NEBL: variants seen among roughly 807,000 people sequenced by gnomAD.
The protein encoded by NEBL is LIM and SH3 protein 2.
In NEBL, 122 loss-of-function variants were observed where a neutral mutation model predicts 140.2. The observed-to-expected ratio is 0.87, with a 90% CI of 0.75 to 1.01. The LOEUF is 1.01. Ranked by LOEUF, NEBL falls within the 50% of genes least tolerant of loss-of-function variation. The probability of loss-of-function intolerance (pLI) is 0.00; values close to 1 mark genes in which losing one functional copy is unlikely to be tolerated. For missense variants in NEBL, 1,365 were observed against 1,231.3 expected (o/e 1.11, Z -1.62); for synonymous variants, 436 against 398.9 (o/e 1.09, Z -1.11).
chr10:20,933,717 G>T (rs1187251010), intron 4 of NEBL, among the ~76,000 whole-genome samples: 1 of 152,226 alleles, frequency 6.6e-6, no homozygotes, highest in Non-Finnish European at 1.5e-5. Context: ...CAGATTGGGT[G>T]ACAGAGGGAG....
At chr10:21,093,340 A>C (rs1314740965) in intron 2 of NEBL, among the ~76,000 whole-genome samples, 2 of 151,960 alleles carry the variant, frequency 1.3e-5, no homozygotes, top group African/African-American at 2.4e-5. Context: ...AGTTGGACAA[A>C]ATTTTATAGG....
Position 21,214,177 on chromosome 10 carries a change from A to G in NEBL, n.348+33744T>C, listed in dbSNP as rs544007932. The stretch of plus-strand genomic sequence containing the variant: ...ATATATGTATAAGTATATGATATAG[A>G]TGTATATATATCATATATGTATATC... On this transcript the variant is annotated intron_variant and non_coding_transcript_variant, in intron 3 of 8. Transcript: ENST00000675702. Among the ~76,000 whole-genome samples, 403 of 151,562 alleles carry G rather than the reference A, an allele frequency of 2.7e-3. 2 individuals are homozygous for G. The highest frequency in any genetic ancestry group is 9.0e-3 in the African/African-American group (373 of 41,394).
intron 3 of NEBL, among the ~76,000 whole-genome samples, chr10:21,011,462 G>A (rs55647529): frequency 0.19 from 28,946 of 152,138 alleles, 4,579 homozygotes; most frequent in East Asian, 0.54. Context: ...GTCAGCTTAG[G>A]TCAATTCCCA....
chr10:21,067,059 G>T (rs1034364176), intron 2 of NEBL, among the ~76,000 whole-genome samples: 1 of 139,678 alleles, frequency 7.2e-6, no homozygotes, highest in African/African-American at 2.7e-5. Flanking sequence ...TGAAAGCTCC[G>T]CCTCCCGGGT....
At position 20,859,786 on chromosome 10, in the gene NEBL, T is replaced by G. The variant is rs1237516448; in HGVS notation, c.725A>C (p.Lys242Thr). The part of the protein sequence containing the change: ...KEKFDNEMKD[K>T]KHHYNPLESA... ...TTCAAGAGGATTGTAATGATGTTTC[T>G]TATCCTTCATTTCATTATCAAATTT... The change falls in exon 8 of 28, where the codon AAG becomes ACG. Residue 242 changes from lysine to threonine, a missense_variant. Lys to Thr is a moderately conservative substitution (Grantham distance 78). Around this residue, in one of 2 missense-constraint regions of NEBL, gnomAD observed 1,323 missense variants for 1,154.8 expected, o/e 1.15. Coordinates refer to ENST00000377122, the MANE Select transcript of NEBL (RefSeq NM_006393.3). 6.3e-7 allele frequency: 1 copy of G among 1,592,468 alleles called. No homozygotes were observed. Among genetic ancestry groups the G allele is most frequent in the Non-Finnish European group, 8.6e-7 (1 of 1,162,568 alleles).
chr10:21,000,127 T>G (rs1446309803), intron 3 of NEBL, among the ~76,000 whole-genome samples: 1 of 142,628 alleles, frequency 7.0e-6, no homozygotes, highest in Non-Finnish European at 1.5e-5. Flanking sequence ...GTGAAGAGCT[T>G]TGGCCACTAG....
intron 1 of NEBL, among the ~76,000 whole-genome samples, chr10:21,278,933 T>TGGCACCTCCCTGAGGCCC (rs1275638434): frequency 3.9e-5 from 6 of 152,114 alleles, no homozygotes; most frequent in Non-Finnish European, 7.4e-5. Flanking sequence ...TGTATGTGCA[T>TGGCACCTCCCTGAGGCCC]GGCACCTCCC....
At chr10:20,876,608 C>G (rs1427273464) in intron 5 of NEBL, among the ~76,000 whole-genome samples, 13 of 152,034 alleles carry the variant, frequency 8.6e-5, no homozygotes. Flanking sequence ...CTTTCATTTC[C>G]CACGCTGAAT....
At chr10:20,944,613 A>G (rs1835066151) in intron 4 of NEBL, among the ~76,000 whole-genome samples, 1 of 152,106 alleles carries the variant, frequency 6.6e-6, no homozygotes. Flanking sequence ...ACTCTCTCAC[A>G]CCTGCCAACC....
At chr10:21,013,958 C>T (rs973453590) in intron 3 of NEBL, among the ~76,000 whole-genome samples, 8 of 151,900 alleles carry the variant, frequency 5.3e-5, no homozygotes, top group Non-Finnish European at 1.0e-4. Flanking sequence ...AAATGGGATC[C>T]GGAGCTGAGC....
chr10:21,245,917 G>A (rs1157419852), intron 3 of NEBL, among the ~76,000 whole-genome samples: 1 of 152,124 alleles, frequency 6.6e-6, no homozygotes, highest in East Asian at 1.9e-4. Flanking sequence ...GGATGGTCTC[G>A]ATCTCCTGAC....
At chr10:21,289,392 C>A (rs2132305695) in intron 1 of NEBL, among the ~76,000 whole-genome samples, 1 of 152,300 alleles carries the variant, frequency 6.6e-6, no homozygotes, top group South Asian at 2.1e-4. Flanking sequence ...TCAATTTCAA[C>A]CCAAACCAGC....
chr10:21,120,319 G>A lies in NEBL; in HGVS notation c.164+52064C>T, dbSNP rs149100000. 7.0e-3 allele frequency among the ~76,000 whole-genome samples: 1,012 copies of A among 145,488 alleles called. 12 individuals carry two copies. Among genetic ancestry groups the A allele is most frequent in the African/African-American group, 0.024 (937 of 38,766 alleles). ...AAGCCTAGGAGGTCAAGGCTACAGT[G>A]AGCTGTGATAGCACAACTGCACTCA... On this transcript the variant is annotated intron_variant, in intron 2 of 6. Coordinates refer to the NEBL transcript ENST00000417816.
chr10:21,229,869 G>C (rs1168537052), intron 3 of NEBL, among the ~76,000 whole-genome samples: 2 of 152,206 alleles, frequency 1.3e-5, no homozygotes, highest in East Asian at 3.9e-4. Flanking sequence ...CCTCATGTGG[G>C]AGCCTGACAT....
chr10:21,286,711 G>A (rs1843060457), intron 1 of NEBL, among the ~76,000 whole-genome samples: 1 of 152,138 alleles, frequency 6.6e-6, no homozygotes, highest in South Asian at 2.1e-4. Flanking sequence ...GTGGGCACCT[G>A]TAGTCCCAGT....
intron 2 of NEBL, among the ~76,000 whole-genome samples, chr10:21,077,421 C>T (rs1014258967): frequency 2.0e-5 from 3 of 152,014 alleles, no homozygotes; most frequent in African/African-American, 4.8e-5. Flanking sequence ...TGGCTAACAA[C>T]ATGGTGAAAC....
intron 2 of NEBL, among the ~76,000 whole-genome samples, chr10:21,131,248 A>C (rs950893625): frequency 1.3e-5 from 2 of 152,236 alleles, no homozygotes; most frequent in African/African-American, 2.4e-5. Flanking sequence ...TCAATCATTA[A>C]CAATCTTTGA....
chr10:21,148,726 A>G (rs1840015911), intron 2 of NEBL, among the ~76,000 whole-genome samples: 1 of 151,954 alleles, frequency 6.6e-6, no homozygotes, highest in African/African-American at 2.4e-5. Flanking sequence ...GGGTTTCACC[A>G]TGTTGGCCAG....
intron 2 of NEBL, among the ~76,000 whole-genome samples, chr10:21,032,854 C>A (rs1454571009): frequency 6.6e-6 from 1 of 152,154 alleles, no homozygotes; most frequent in African/African-American, 2.4e-5. Context: ...ACTTCCTCAG[C>A]AGGACTCAAT....
Sources: allele counts gnomAD v4.1 joint callset (sites outside exome capture counted in the v4.1 genomes callset), GRCh38; gene constraint gnomAD v4.1.1; regional missense constraint gnomAD v4.1.1; transcripts MANE v1.5; gene names NCBI Gene and HGNC (gene_info 2026-07-23, HGNC 2026-07-21).